Variants in LTBP4 observed in about 807,000 individuals in gnomAD.
LTBP4 encodes latent-transforming growth factor beta-binding protein 4.
In LTBP4, 93 loss-of-function variants were observed where a neutral mutation model predicts 180.2. That is an observed-to-expected ratio of 0.52 (90% CI 0.44 to 0.61). The LOEUF (loss-of-function observed/expected upper bound fraction) is 0.61, where lower values mean the gene tolerates loss of function less well. Ranked by LOEUF, LTBP4 falls within the 20% of genes least tolerant of loss-of-function variation. The pLI is 0.00. For synonymous variants in LTBP4, 947 were observed against 934.5 expected (o/e 1.01, Z -0.24); for missense variants, 2,116 against 2,256.5 (o/e 0.94, Z 1.26).
chr19:40,608,422 C>A, intron 8 of LTBP4, 53 bp downstream of exon 8: 2 of 1,601,346 alleles, frequency 1.2e-6, no homozygotes, highest in Non-Finnish European at 8.5e-7. Context: ...TGCCCCAGCC[C>A]CATAGTGAAA....
upstream of LTBP4, chr19:40,599,404 C>G (rs188795613): frequency 9.3e-6 from 15 of 1,612,196 alleles, no homozygotes; most frequent in Admixed American, 2.2e-4. Flanking sequence ...CCACTTAGTC[C>G]CTGGCTGTCT....
rs1336479803 is a variant in LTBP4, at chr19:40,613,072, C to T, written c.2307C>T (p.Asp769=). ...CACCCCCACCCCCCACAGATGTGGACGAATGCAGTTCGGGTGCCCCTCCCT... is the reference window on the plus strand; with the variant it reads ...CACCCCCACCCCCCACAGATGTGGATGAATGCAGTTCGGGTGCCCCTCCCT... The part of the protein sequence containing the change: ...HLHRGRCTDV[D]ECSSGAPPCG... Residue 769 remains aspartate, a synonymous_variant, in exon 16 of 30, where the codon GAC becomes GAT. Coordinates refer to ENST00000396819, the MANE Select transcript of LTBP4 (RefSeq NM_001042545.2). This position sits in a 1 kb window ranked among gnomAD's most constrained non-coding sequence, Gnocchi z 5.0. 1 of 1,611,954 alleles carries T rather than the reference C, an allele frequency of 6.2e-7. No individual in the cohort carries two copies.
intron 19 of LTBP4, 84 bp downstream of exon 19, chr19:40,614,530 T>C (rs976835711): frequency 6.7e-7 from 1 of 1,494,170 alleles, no homozygotes; most frequent in Non-Finnish European, 9.0e-7. Context: ...AGGGGCGCCC[T>C]GCTTCCCAGA....
chr19:40,613,375 G>A lies in LTBP4; in HGVS notation c.2432-29G>A. The A allele has an allele frequency of 6.3e-7, 1 of 1,598,684 alleles. No homozygotes were observed. Among genetic ancestry groups the A allele is most frequent in the Non-Finnish European group, 8.5e-7 (1 of 1,173,952 alleles). Reference sequence around the variant, plus strand: ...GCTTGTCTGGGAGGCCGGGTCCCGTGACTCCGCCCAATCTCCCGCGTACCC... The same window carrying A: ...GCTTGTCTGGGAGGCCGGGTCCCGTAACTCCGCCCAATCTCCCGCGTACCC... On this transcript the variant is annotated intron_variant, in intron 16 of 29. Coordinates refer to ENST00000396819, the MANE Select transcript of LTBP4 (RefSeq NM_001042545.2). This position sits in a 1 kb window ranked among gnomAD's most constrained non-coding sequence, Gnocchi z 5.0.
At chr19:40,625,568 C>G (rs529936846) in intron 26 of LTBP4, among the ~76,000 whole-genome samples, 11 of 152,044 alleles carry the variant, frequency 7.2e-5, no homozygotes, top group African/African-American at 7.2e-5. Flanking sequence ...GCAACTGCCC[C>G]GAGGCCACAC....
At position 40,605,335 on chromosome 19, in the gene LTBP4, C is replaced by T; in HGVS notation, c.443-70C>T. 4 of 1,593,040 alleles carry T rather than the reference C, an allele frequency of 2.5e-6. No homozygotes were observed. Among genetic ancestry groups the T allele is most frequent in the Non-Finnish European group, 3.4e-6 (4 of 1,168,434 alleles). On this transcript the variant is annotated intron_variant, in intron 2 of 29. Coordinates refer to ENST00000396819, the MANE Select transcript of LTBP4 (RefSeq NM_001042545.2). The surrounding 1 kb of genome is among the most constrained non-coding windows in gnomAD (Gnocchi z 5.5). ...GAGCACCTTTGCCCAGCTCGCCCTC[C>T]CCGCCTTGTCTAGCCCCACCCCGTA... is the stretch of plus-strand genomic sequence containing the variant.
In LTBP4 at chr19:40,609,911, G is replaced by C. The variant is rs764521280; in HGVS notation, c.1684+40G>C. 4 of 1,490,098 alleles carry C rather than the reference G, an allele frequency of 2.7e-6. No individual in the cohort carries two copies. The African/African-American group carries it at 4.2e-5, about 16-fold the overall frequency. 92.3% of individuals were successfully genotyped at this position (1,490,098 alleles called of 1,614,324 possible). ...CCACCCGGCTCCAGGCCCACCCCAG[G>C]GTCTCGCTCCTGCTCTCACTCCAGA... On this transcript the variant is annotated intron_variant, in intron 11 of 29. Transcript: ENST00000396819. This position sits in a 1 kb window ranked among gnomAD's most constrained non-coding sequence, Gnocchi z 4.9.
rs2081508303 is a variant in LTBP4 at position 40,611,806 on chromosome 19, A to T, written c.2054-53A>T. ...AATGCTGGGGTGGGTGGTGATGGCC[A>T]TGGGAATGGATTCAGGCCCCTTCCT... On this transcript the variant is annotated intron_variant, in intron 13 of 29. Coordinates refer to ENST00000396819, the MANE Select transcript of LTBP4 (RefSeq NM_001042545.2). This position sits in a 1 kb window ranked among gnomAD's most constrained non-coding sequence, Gnocchi z 4.4. The T allele has an allele frequency of 1.3e-6, 2 of 1,567,974 alleles. No homozygotes were observed. Among genetic ancestry groups the T allele is most frequent in the Admixed American group, 3.6e-5 (2 of 55,724 alleles).
chr19:40,614,305 C>T lies in LTBP4; in HGVS notation c.2681-10C>T. 3.1e-6 allele frequency: 5 copies of T among 1,594,638 alleles called. No individual in the cohort carries two copies. Among genetic ancestry groups the T allele is most frequent in the Non-Finnish European group, 4.3e-6 (5 of 1,175,700 alleles). On this transcript the variant is annotated splice_polypyrimidine_tract_variant and intron_variant, in intron 18 of 29. Coordinates refer to ENST00000396819, the MANE Select transcript of LTBP4 (RefSeq NM_001042545.2). ...CTTCCCACATCCGACCACCCGACCT[C>T]TCTCCTCAGACGTGGACGAATGTCG... is the stretch of plus-strand genomic sequence containing the variant.
At chr19:40,598,538 A>G (rs543117101), upstream of LTBP4, 6 of 152,754 alleles carry the variant, frequency 3.9e-5, no homozygotes, top group Non-Finnish European at 7.3e-5. Flanking sequence ...GATGTCTGCA[A>G]GAACGGCACC....
Position 40,613,825 on chromosome 19 carries a change from C to G in LTBP4, c.2558-91C>G, listed in dbSNP as rs1190336110. 11 of 1,573,704 alleles carry G rather than the reference C, an allele frequency of 7.0e-6. No homozygotes were observed. Among genetic ancestry groups the G allele is most frequent in the Non-Finnish European group, 9.5e-6 (11 of 1,156,440 alleles). ...GCAGGTTGGGGAAGGCGTGAGAGGCCTAGGAGAGCCGAGGGGCGGTGGAGG... is the reference window on the plus strand; with the variant it reads ...GCAGGTTGGGGAAGGCGTGAGAGGCGTAGGAGAGCCGAGGGGCGGTGGAGG... On this transcript the variant is annotated intron_variant, in intron 17 of 29. Transcript: ENST00000396819. The surrounding 1 kb of genome is among the most constrained non-coding windows in gnomAD (Gnocchi z 5.0).
chr19:40,610,392 T>C (rs910861125), intron 11 of LTBP4, 140 bp from the exon 12 acceptor site: 3 of 992,180 alleles, frequency 3.0e-6, no homozygotes, highest in Admixed American at 2.6e-5. Context: ...TGTGCCCCTC[T>C]CCGGCTGTCC....
rs1251768004 is a variant in LTBP4, at chr19:40,613,215, C to G, written c.2431+19C>G. The G allele has an allele frequency of 6.4e-7, 1 of 1,557,274 alleles. No individual in the cohort carries two copies. Among genetic ancestry groups the G allele is most frequent in the Admixed American group, 1.9e-5 (1 of 51,814 alleles). On this transcript the variant is annotated intron_variant, in intron 16 of 29. Transcript: ENST00000396819. This position sits in a 1 kb window ranked among gnomAD's most constrained non-coding sequence, Gnocchi z 5.0. ...TGCGCAGGTGAGCAGCATAGGGACC[C>G]GCCAGAGAGTCTGGGAGTAGGGCCT...
At chr19:40,606,184 T>C in intron 4 of LTBP4, 49 bp from the exon 5 acceptor site, 1 of 1,510,038 alleles carries the variant, frequency 6.6e-7, no homozygotes, top group Non-Finnish European at 9.0e-7. Context: ...CCCACTCCAT[T>C]CTCGCTCTGC....
upstream of LTBP4, among the ~76,000 whole-genome samples, chr19:40,597,660 G>A (rs1162478761): frequency 6.6e-6 from 1 of 152,024 alleles, no homozygotes; most frequent in Non-Finnish European, 1.5e-5. Flanking sequence ...ATTGGGGCAG[G>A]GGGTGGGGGG....
Position 40,611,035 on chromosome 19 carries a change from CAAG to C in LTBP4, c.1811-116_1811-114del, listed in dbSNP as rs1433986341. On this transcript the variant is annotated intron_variant, in intron 12 of 29. Transcript: ENST00000396819. This position sits in a 1 kb window ranked among gnomAD's most constrained non-coding sequence, Gnocchi z 4.4. ...AGGATGCAGAGTCAGATGATGGTGA[CAAG>C]GAGGAATAGAGATGGGGTCACGGGG... is the stretch of plus-strand genomic sequence containing the variant. 3.6e-6 allele frequency: 5 copies of C among 1,386,308 alleles called. No individual in the cohort carries two copies. The highest frequency in any genetic ancestry group is 5.0e-6 in the Non-Finnish European group (5 of 1,003,302). 85.9% of individuals were successfully genotyped at this position (1,386,308 alleles called of 1,614,324 possible).
At chr19:40,625,316 A>ATTT (rs1162232222) in intron 26 of LTBP4, among the ~76,000 whole-genome samples, 12 of 21,928 alleles carry the variant, frequency 5.5e-4, no homozygotes, top group East Asian at 3.1e-3. Context: ...ATATATATAT[A>ATTT]TTTTTTTTTT....
chr19:40,623,781 G>C (rs767332884), intron 25 of LTBP4, 49 bp downstream of exon 25: 2 of 1,608,616 alleles, frequency 1.2e-6, no homozygotes, highest in Non-Finnish European at 1.7e-6. Context: ...CCAACCCCTA[G>C]CCTTGCCAGC....
chr19:40,604,174 G>A (rs1431395675), intron 1 of LTBP4, among the ~76,000 whole-genome samples: 1 of 152,156 alleles, frequency 6.6e-6, no homozygotes, highest in African/African-American at 2.4e-5. Context: ...AGTGCGGAAA[G>A]GAAGGTGGGA....
Sources: allele counts gnomAD v4.1 joint callset (sites outside exome capture counted in the v4.1 genomes callset), GRCh38; gene constraint gnomAD v4.1.1; non-coding constraint Gnocchi (gnomAD v3.1); transcripts MANE v1.5; gene names NCBI Gene and HGNC (gene_info 2026-07-23, HGNC 2026-07-21).